The following HDAC9 variants were observed in gnomAD, a reference collection of about 807,000 sequenced individuals.
HDAC9 encodes the protein histone deacetylase 9.
In HDAC9, 41 loss-of-function variants were observed where a neutral mutation model predicts 139.4. The observed-to-expected ratio is 0.29, with a 90% confidence interval of 0.23 to 0.38. The LOEUF is 0.38. HDAC9 is among the 10% of genes least tolerant of loss of function. The pLI is 1.00. For missense variants in HDAC9, 1,147 were observed against 1,297.0 expected, an observed-to-expected ratio of 0.88 and a Z score of 1.78; for synonymous variants, 517 against 476.2, an observed-to-expected ratio of 1.09 and a Z score of -1.12.
chr7:18,865,801 A>T (rs751977257), intron 21 of HDAC9, among the ~76,000 whole-genome samples: 1 of 152,128 alleles, frequency 6.6e-6, no homozygotes, highest in Non-Finnish European at 1.5e-5. Flanking sequence ...TGTTTTTGCC[A>T]GAAAAACCTA....
chr7:18,244,424 T>C lies in HDAC9; in HGVS notation c.25+82075T>C, dbSNP rs1188368236. 3.9e-5 allele frequency among the ~76,000 whole-genome samples: 6 copies of C among 152,332 alleles called. No individual in the cohort carries two copies. In the East Asian group the frequency reaches 1.2e-3, roughly 29 times the overall value. ...ATTTGTTCATTTCTTGAAAACTTGC[T>C]TCATGGAAGGGACTGTAATTATAAC... On this transcript the variant is annotated intron_variant, in intron 2 of 12. Coordinates refer to the HDAC9 transcript ENST00000417496.
chr7:18,690,177 G>C (rs1170492296), intron 12 of HDAC9, among the ~76,000 whole-genome samples: 1 of 151,832 alleles, frequency 6.6e-6, no homozygotes, highest in African/African-American at 2.4e-5. Flanking sequence ...AACTAAAGAG[G>C]TTTTTATCCA....
intron 25 of HDAC9, among the ~76,000 whole-genome samples, chr7:18,990,653 GC>G (rs1464169533): frequency 2.6e-5 from 4 of 152,236 alleles, no homozygotes; most frequent in Non-Finnish European, 5.9e-5. Context: ...CAGCCTGGCT[GC>G]CGCCTTGCAG....
At chr7:18,137,948 G>T (rs1272269433) in intron 1 of HDAC9, among the ~76,000 whole-genome samples, 1 of 151,392 alleles carries the variant, frequency 6.6e-6, no homozygotes, top group Non-Finnish European at 1.5e-5. Flanking sequence ...ACTCTTTTTG[G>T]TTGGTAAGCT....
intron 23 of HDAC9, among the ~76,000 whole-genome samples, chr7:18,939,853 G>C (rs2129313642): frequency 6.6e-6 from 1 of 152,258 alleles, no homozygotes; most frequent in Admixed American, 6.5e-5. Flanking sequence ...AGTAAAGCTT[G>C]AACTTAAAAC....
intron 2 of HDAC9, among the ~76,000 whole-genome samples, chr7:18,558,966 G>C (rs1046468395): frequency 1.3e-5 from 2 of 152,150 alleles, no homozygotes; most frequent in African/African-American, 4.8e-5. Context: ...GGGAAGTGAG[G>C]GGAACAGGTA....
intron 16 of HDAC9, among the ~76,000 whole-genome samples, chr7:18,771,421 T>C (rs1790279272): frequency 6.6e-6 from 1 of 152,134 alleles, no homozygotes; most frequent in African/African-American, 2.4e-5. Flanking sequence ...GTTTCAGTTG[T>C]ATATCAACTA....
chr7:18,447,778 C>T (rs1312358016), intron 1 of HDAC9, among the ~76,000 whole-genome samples: 1 of 152,136 alleles, frequency 6.6e-6, no homozygotes, highest in Non-Finnish European at 1.5e-5. Flanking sequence ...TTAAAAACTC[C>T]TTTGGCTCCT....
chr7:18,178,416 T>G (rs1789129370), intron 2 of HDAC9, among the ~76,000 whole-genome samples: 1 of 152,186 alleles, frequency 6.6e-6, no homozygotes, highest in Admixed American at 6.5e-5. Context: ...ATCTATTCAT[T>G]GAACAACAAA....
At chr7:18,301,746 C>T (rs1159056518) in intron 1 of HDAC9, among the ~76,000 whole-genome samples, 4 of 152,122 alleles carry the variant, frequency 2.6e-5, no homozygotes, top group East Asian at 1.9e-4. Context: ...CCAGCTTCTT[C>T]GCTTCCCATT....
At chr7:18,611,340 C>G (rs1290667890) in intron 6 of HDAC9, among the ~76,000 whole-genome samples, 1 of 151,860 alleles carries the variant, frequency 6.6e-6, no homozygotes, top group African/African-American at 2.4e-5. Context: ...TATATTTGTT[C>G]AATAATAATT....
intron 24 of HDAC9, among the ~76,000 whole-genome samples, chr7:18,972,475 G>C (rs1784306095): frequency 6.7e-6 from 1 of 150,152 alleles, no homozygotes; most frequent in African/African-American, 2.5e-5. Context: ...GGGCCTCCCG[G>C]GTTCAAAGGA....
intron 8 of HDAC9, among the ~76,000 whole-genome samples, chr7:18,640,225 C>G (rs529665858): frequency 6.6e-6 from 1 of 150,788 alleles, no homozygotes; most frequent in South Asian, 2.1e-4. Flanking sequence ...TAGAAAGACC[C>G]TGTCTCTACA....
At chr7:18,095,936 A>T (rs920437736) in intron 1 of HDAC9, among the ~76,000 whole-genome samples, 7 of 152,168 alleles carry the variant, frequency 4.6e-5, no homozygotes, top group African/African-American at 1.7e-4. Context: ...GTCCTTTTAC[A>T]ACCAAACAAA....
At chr7:18,349,604 T>G (rs1239930856) in intron 1 of HDAC9, among the ~76,000 whole-genome samples, 1 of 152,014 alleles carries the variant, frequency 6.6e-6, no homozygotes, top group Non-Finnish European at 1.5e-5. Flanking sequence ...TTTATGTTAG[T>G]AATTTTATAA....
chr7:18,436,189 G>A (rs1028583333), intron 1 of HDAC9, among the ~76,000 whole-genome samples: 2 of 152,002 alleles, frequency 1.3e-5, no homozygotes, highest in Non-Finnish European at 2.9e-5. Context: ...CATACATGAA[G>A]TAGTTTTACA....
chr7:18,248,179 T>C (rs1794681878), intron 2 of HDAC9, among the ~76,000 whole-genome samples: 1 of 152,178 alleles, frequency 6.6e-6, no homozygotes, highest in Non-Finnish European at 1.5e-5. Context: ...TTTAAAAATA[T>C]GGTAGATTAA....
At position 18,267,230 on chromosome 7, in the gene HDAC9, C is replaced by T. The variant is rs550263872; in HGVS notation, c.25+104881C>T. On this transcript the variant is annotated intron_variant, in intron 2 of 12. Coordinates refer to the HDAC9 transcript ENST00000417496. ...AATATGTTGTTTTGAAACATGTATA[C>T]ATTGTGGTGCAGCTAAGTTGAGATA... Among the ~76,000 whole-genome samples, 257 of 152,120 alleles carry T rather than the reference C, an allele frequency of 1.7e-3. 3 individuals carry two copies. Among genetic ancestry groups the T allele is most frequent in the African/African-American group, 6.0e-3 (251 of 41,522 alleles).
At chr7:18,147,603 A>G (rs1192146578) in intron 1 of HDAC9, among the ~76,000 whole-genome samples, 1 of 151,312 alleles carries the variant, frequency 6.6e-6, no homozygotes. Flanking sequence ...TCTACTCATT[A>G]TATGTTTATG....
Sources: allele counts gnomAD v4.1 joint callset (sites outside exome capture counted in the v4.1 genomes callset), GRCh38; gene constraint gnomAD v4.1.1; transcripts MANE v1.5; gene names NCBI Gene and HGNC (gene_info 2026-07-23, HGNC 2026-07-21).